The following RANBP2 variants were observed in gnomAD, a reference collection of about 807,000 sequenced individuals.
RANBP2 encodes the protein E3 SUMO-protein ligase RanBP2.
Under a neutral mutation model 303.6 loss-of-function variants are expected in RANBP2, and 57 were observed. That is an observed-to-expected ratio of 0.19 (90% CI 0.15 to 0.23). RANBP2 has a LOEUF of 0.23. Ranked by LOEUF, RANBP2 falls within the 10% of genes least tolerant of loss-of-function variation. The pLI, the probability that RANBP2 is intolerant of heterozygous loss-of-function variation, is 1.00. For synonymous variants in RANBP2, 1,167 were observed against 1,301.5 expected (o/e 0.90, Z 2.23); for missense variants, 3,138 against 3,780.8 (o/e 0.83, Z 4.46).
chr2:109,539,376 AAATGG>A, the RANBP2 span, among the ~76,000 whole-genome samples: 1,405 of 152,306 alleles, frequency 9.2e-3, 94 homozygotes, highest in Admixed American at 0.082. Flanking sequence ...CACAATAAAG[AAATGG>A]AATGGAACAT....
At chr2:109,186,935 T>C in the RANBP2 span, among the ~76,000 whole-genome samples, 2 of 152,200 alleles carry the variant, frequency 1.3e-5, no homozygotes, top group Admixed American at 6.5e-5. Flanking sequence ...CTAGAACTAA[T>C]TGGAAGTGTA....
chr2:109,439,048 A>T, the RANBP2 span, among the ~76,000 whole-genome samples: 1 of 152,162 alleles, frequency 6.6e-6, no homozygotes, highest in Non-Finnish European at 1.5e-5. Context: ...TGGTCTTTCC[A>T]CACCAAGCCT....
At chr2:109,088,919 G>A in the RANBP2 span, among the ~76,000 whole-genome samples, 1 of 152,094 alleles carries the variant, frequency 6.6e-6, no homozygotes, top group African/African-American at 2.4e-5. Flanking sequence ...TAAAAGGGAG[G>A]GAGAGTTGAG....
At chr2:109,086,616 C>T in the RANBP2 span, among the ~76,000 whole-genome samples, 175 of 152,284 alleles carry the variant, frequency 1.1e-3, no homozygotes, top group African/African-American at 3.9e-3. Flanking sequence ...TTGTAAAGTG[C>T]AGGCTCTGTC....
the RANBP2 span, among the ~76,000 whole-genome samples, chr2:109,403,433 C>T: frequency 2.0e-5 from 3 of 152,234 alleles, no homozygotes; most frequent in Non-Finnish European, 4.4e-5. Flanking sequence ...AGCCGAGGCC[C>T]CAGGGGTAGT....
intron 8 of RANBP2, among the ~76,000 whole-genome samples, chr2:108,748,449 C>T (rs1039667414): frequency 6.6e-6 from 1 of 150,684 alleles, no homozygotes; most frequent in Non-Finnish European, 1.5e-5. Context: ...TCTTGATCTC[C>T]TGACCTCATT....
At chr2:109,243,938 G>A in the RANBP2 span, among the ~76,000 whole-genome samples, 6 of 152,304 alleles carry the variant, frequency 3.9e-5, no homozygotes, top group South Asian at 8.3e-4. Context: ...TCATGCCACC[G>A]ACATGCAGCC....
At chr2:109,434,566 C>T in the RANBP2 span, among the ~76,000 whole-genome samples, 1 of 152,210 alleles carries the variant, frequency 6.6e-6, no homozygotes, top group African/African-American at 2.4e-5. Context: ...TGCCTTCCAC[C>T]CTCTTCCTGC....
At chr2:108,993,434 C>A in the RANBP2 span, among the ~76,000 whole-genome samples, 3 of 152,120 alleles carry the variant, frequency 2.0e-5, no homozygotes, top group East Asian at 5.8e-4. Context: ...CCAAGTATAT[C>A]ATGATTTGAA....
chr2:108,949,765 G>A, the RANBP2 span, among the ~76,000 whole-genome samples: 2 of 152,126 alleles, frequency 1.3e-5, no homozygotes, highest in African/African-American at 4.8e-5. Context: ...AAACTCCAAA[G>A]AGAAAGAGTG....
At chr2:109,434,231 C>T in the RANBP2 span, among the ~76,000 whole-genome samples, 8 of 152,224 alleles carry the variant, frequency 5.3e-5, no homozygotes, top group Admixed American at 5.2e-4. Flanking sequence ...CACCTCTGGG[C>T]TCGCCCGCCC....
rs1179689561 is a variant in RANBP2, at chr2:108,719,573, TCTCACGCGC to T, written c.-30_-22del. On this transcript the variant is annotated 5_prime_UTR_variant, in exon 1 of 29. Coordinates refer to ENST00000283195, the MANE Select transcript of RANBP2 (RefSeq NM_006267.5). ...CGACTGCTGCGGGCCTGAGCGCTGG[TCTCACGCGC>T]CTCGGGAGCCAGGTTGGCGGCGCGA... 8.8e-6 allele frequency: 14 copies of T among 1,588,858 alleles called. No individual in the cohort carries two copies. The highest frequency in any genetic ancestry group is 1.2e-5 in the Non-Finnish European group (14 of 1,169,548).
chr2:109,221,531 G>A, the RANBP2 span, among the ~76,000 whole-genome samples: 3 of 149,028 alleles, frequency 2.0e-5, no homozygotes, highest in African/African-American at 5.0e-5. Flanking sequence ...GCGGTAAGCC[G>A]CGATCGCGCC....
chr2:109,655,939 C>A, the RANBP2 span, among the ~76,000 whole-genome samples: 79 of 152,270 alleles, frequency 5.2e-4, no homozygotes, highest in African/African-American at 1.9e-3. Context: ...CCTCAGTTTC[C>A]TCAACTGTAA....
At chr2:108,743,712 A>G (rs1251290113) in intron 7 of RANBP2, among the ~76,000 whole-genome samples, 1 of 152,208 alleles carries the variant, frequency 6.6e-6, no homozygotes, top group Non-Finnish European at 1.5e-5. Flanking sequence ...TGTGCAATAC[A>G]TTCTTTCTCT....
At chr2:109,613,023 A>G in the RANBP2 span, 1 of 515,780 alleles carries the variant, frequency 1.9e-6, no homozygotes, top group South Asian at 1.5e-5. Flanking sequence ...AAAACCACCA[A>G]TGTTTACTAT....
chr2:109,658,134 A>G, the RANBP2 span, among the ~76,000 whole-genome samples: 1 of 151,772 alleles, frequency 6.6e-6, no homozygotes, highest in Non-Finnish European at 1.5e-5. Context: ...TTTTTCCTCA[A>G]TTTAATGATT....
the RANBP2 span, among the ~76,000 whole-genome samples, chr2:108,807,321 T>A: frequency 6.6e-6 from 1 of 152,182 alleles, no homozygotes; most frequent in Admixed American, 6.5e-5. Context: ...AAATTGAAAT[T>A]TGAAAACTAA....
the RANBP2 span, among the ~76,000 whole-genome samples, chr2:109,201,594 A>G: frequency 1.3e-5 from 2 of 152,160 alleles, no homozygotes; most frequent in East Asian, 1.9e-4. Flanking sequence ...TGAAAGTGTG[A>G]TCTGGGACCA....
Sources: allele counts gnomAD v4.1 joint callset (sites outside exome capture counted in the v4.1 genomes callset), GRCh38; gene constraint gnomAD v4.1.1; transcripts MANE v1.5; gene names NCBI Gene and HGNC (gene_info 2026-07-23, HGNC 2026-07-21).